The following HSD17B1 variants were observed in gnomAD, a reference collection of about 807,000 sequenced individuals.
HSD17B1 encodes the protein 17-beta-hydroxysteroid dehydrogenase type 1.
HSD17B1 carries 16 observed loss-of-function variants against 22.7 expected under a neutral mutation model. The ratio of observed to expected loss-of-function variants is 0.71; its 90% confidence interval spans 0.48 to 1.07. The LOEUF is 1.07. HSD17B1 is among the 50% of genes least tolerant of loss of function. The pLI, the probability that HSD17B1 is intolerant of heterozygous loss-of-function variation, is 0.00. For synonymous variants in HSD17B1, 243 were observed against 211.0 expected (o/e 1.15, Z -1.31); for missense variants, 533 against 459.9 (o/e 1.16, Z -1.45).
In HSD17B1 at chr17:42,554,937, A is replaced by G; in HGVS notation, c.986A>G (p.Ter329=). 6.8e-7 allele frequency: 1 copy of G among 1,464,680 alleles called. No individual in the cohort carries two copies. The highest frequency in any genetic ancestry group is 1.4e-5 in the South Asian group (1 of 71,848). 90.7% of individuals were successfully genotyped at this position (1,464,680 alleles called of 1,614,324 possible). A position where few individuals can be genotyped will look rare whatever the true frequency, so the allele number is the denominator to read the frequency against. Residue 329 remains the stop codon, a stop_retained_variant, in exon 6 of 6, where the codon TAA becomes TGA. Coordinates refer to ENST00000585807, the MANE Select transcript of HSD17B1 (RefSeq NM_000413.4). The part of the protein sequence containing the change: ...ELGDPPAAPQ[*] ...GGCGATCCTCCGGCCGCCCCGCAGT[A>G]AAGGCTTCCTCAGCCGCTGTCTCCC...
At position 42,554,931 on chromosome 17, in the gene HSD17B1, C is replaced by G. The variant is rs776746318; in HGVS notation, c.980C>G (p.Pro327Arg). The part of the protein sequence containing the change: ...DPELGDPPAA[P>R]Q Reference sequence around the variant, plus strand: ...GAGCTCGGCGATCCTCCGGCCGCCCCGCAGTAAAGGCTTCCTCAGCCGCTG... The same window carrying G: ...GAGCTCGGCGATCCTCCGGCCGCCCGGCAGTAAAGGCTTCCTCAGCCGCTG... The change falls in exon 6 of 6, where the codon CCG becomes CGG. Residue 327 changes from proline (P) to arginine (R), a missense_variant. Pro to Arg is a moderately radical substitution (Grantham distance 103). Coordinates refer to ENST00000585807, the MANE Select transcript of HSD17B1 (RefSeq NM_000413.4). 3 of 1,470,766 alleles carry G rather than the reference C, an allele frequency of 2.0e-6. No homozygotes were observed. The highest frequency in any genetic ancestry group is 2.3e-4 in the Middle Eastern group (1 of 4,344). The allele number at this position is 1,470,766 out of a possible 1,614,324, so 91.1% of individuals were successfully genotyped here.
intron 4 of HSD17B1, 191 bp downstream of exon 4, chr17:42,554,078 G>A (rs1451510636): frequency 1.8e-5 from 12 of 658,890 alleles, no homozygotes; most frequent in Non-Finnish European, 2.1e-5. Flanking sequence ...CTGCTGAAGT[G>A]TTGGTATTGT....
Position 42,554,692 on chromosome 17 carries a change from C to T in HSD17B1, c.741C>T (p.Ala247=). The part of the protein sequence containing the change: ...VAEVFLTALR[A]PKPTLRYFTT... The stretch of plus-strand genomic sequence containing the variant: ...AGGTCTTCCTCACCGCTTTGCGCGC[C>T]CCGAAGCCGACCCTGCGCTACTTCA... The change falls in exon 6 of 6, where the codon GCC becomes GCT. Residue 247 remains alanine, a synonymous_variant. Coordinates refer to ENST00000585807, the MANE Select transcript of HSD17B1 (RefSeq NM_000413.4). 1 of 1,603,896 alleles carries T rather than the reference C, an allele frequency of 6.2e-7. No homozygotes were observed. The highest frequency in any genetic ancestry group is 8.5e-7 in the Non-Finnish European group (1 of 1,179,566).
rs1285542076 is a variant in HSD17B1 at position 42,554,725 on chromosome 17, G to A, written c.774G>A (p.Glu258=). The A allele has an allele frequency of 3.7e-6, 6 of 1,603,518 alleles. No homozygotes were observed. Among genetic ancestry groups the A allele is most frequent in the Non-Finnish European group, 5.1e-6 (6 of 1,179,746 alleles). The part of the protein sequence containing the change: ...PKPTLRYFTT[E]RFLPLLRMRL... Reference sequence around the variant, plus strand: ...CGACCCTGCGCTACTTCACCACCGAGCGCTTCCTGCCCCTGCTGCGGATGC... The same window carrying A: ...CGACCCTGCGCTACTTCACCACCGAACGCTTCCTGCCCCTGCTGCGGATGC... The change falls in exon 6 of 6, where the codon GAG becomes GAA. Residue 258 remains glutamate (E), a synonymous_variant. Transcript: ENST00000585807.
In HSD17B1 at chr17:42,554,797, G is replaced by T; in HGVS notation, c.846G>T (p.Arg282=). 1 of 1,602,156 alleles carries T rather than the reference G, an allele frequency of 6.2e-7. No homozygotes were observed. The highest frequency in any genetic ancestry group is 1.1e-5 in the South Asian group (1 of 91,072). The part of the protein sequence containing the change: ...SGSNYVTAMH[R]EVFGDVPAKA... ...CCAACTACGTCACCGCCATGCACCG[G>T]GAAGTGTTCGGCGACGTTCCGGCAA... The change falls in exon 6 of 6, where the codon CGG becomes CGT. Residue 282 remains arginine, a synonymous_variant. Coordinates refer to ENST00000585807, the MANE Select transcript of HSD17B1 (RefSeq NM_000413.4).
At chr17:42,553,335 C>T (rs1208405982) in intron 2 of HSD17B1, 44 bp downstream of exon 2, 2 of 1,602,594 alleles carry the variant, frequency 1.2e-6, no homozygotes, top group Non-Finnish European at 1.7e-6. Context: ...GCCTTCTCCG[C>T]CCTGCGTTGA....
Position 42,553,013 on chromosome 17 carries a change from C to T in HSD17B1, c.80C>T (p.Pro27Leu). The change falls in exon 1 of 6, where the codon CCA (proline) becomes CTA (leucine). Residue 27 changes from proline to leucine, a missense_variant. Coordinates refer to ENST00000585807, the MANE Select transcript of HSD17B1 (RefSeq NM_000413.4). ...TTGGCCGTACGTCTGGCTTCAGATC[C>T]ATCCCAGAGCTTCAAAGGTATAGAT... ...LHLAVRLASD[P>L]SQSFKVYATL... 3 of 1,614,150 alleles carry T rather than the reference C, an allele frequency of 1.9e-6. No homozygotes were observed. The highest frequency in any genetic ancestry group is 2.5e-6 in the Non-Finnish European group (3 of 1,180,004).
chr17:42,554,824 G>A lies in HSD17B1; in HGVS notation c.873G>A (p.Lys291=). The change falls in exon 6 of 6, where the codon AAG becomes AAA. Residue 291 remains lysine (K), a synonymous_variant. Transcript: ENST00000585807. The part of the protein sequence containing the change: ...HREVFGDVPA[K]AEAGAEAGGG... ...AAGTGTTCGGCGACGTTCCGGCAAA[G>A]GCCGAGGCTGGGGCCGAGGCTGGGG... is the stretch of plus-strand genomic sequence containing the variant. 6.3e-7 allele frequency: 1 copy of A among 1,598,490 alleles called. No homozygotes were observed. Among genetic ancestry groups the A allele is most frequent in the Non-Finnish European group, 8.5e-7 (1 of 1,178,684 alleles).
chr17:42,553,714 C>G (rs1022450001), intron 3 of HSD17B1, 80 bp from the exon 4 acceptor site: 2 of 1,596,340 alleles, frequency 1.3e-6, no homozygotes, highest in East Asian at 2.2e-5. Flanking sequence ...AGTGGGGTGC[C>G]GTCAGCTTGG....
chr17:42,554,372 G>A (rs1315010996), intron 4 of HSD17B1, 33 bp from the exon 5 acceptor site: 7 of 1,564,476 alleles, frequency 4.5e-6, no homozygotes, highest in Non-Finnish European at 6.1e-6. Flanking sequence ...GCTGGCGTCC[G>A]CCCCCTCCCA....
In HSD17B1 at chr17:42,555,046, C is replaced by T; in HGVS notation, c.*108C>T. On this transcript the variant is annotated 3_prime_UTR_variant, in exon 6 of 6. Transcript: ENST00000585807. ...CTGTGGGTGGCTAATTAAGATAGAT[C>T]GCGTTAGCCAGTTTTACCAGCGCAG... 7.2e-7 allele frequency: 1 copy of T among 1,386,700 alleles called. No homozygotes were observed. The highest frequency in any genetic ancestry group is 9.3e-7 in the Non-Finnish European group (1 of 1,076,542). The allele number at this position is 1,386,700 out of a possible 1,614,324, so 85.9% of individuals were successfully genotyped here.
chr17:42,554,405 C>A lies in HSD17B1; in HGVS notation c.540C>A (p.His180Gln). 1 of 1,603,964 alleles carries A rather than the reference C, an allele frequency of 6.2e-7. No homozygotes were observed. The highest frequency in any genetic ancestry group is 1.1e-5 in the South Asian group (1 of 90,210). The change falls in exon 5 of 6, where the codon CAC becomes CAA. Residue 180 changes from histidine (H) to glutamine (Q), a missense_variant and splice_region_variant. Transcript: ENST00000585807. ...CCACTCGTTGCTCTCCGGCCAGCAG[C>A]TTGAGCCTGATCGAGTGCGGCCCAG... The part of the protein sequence containing the change: ...LAVLLLPFGV[H>Q]LSLIECGPVH...
rs769612663 is a variant in HSD17B1, at chr17:42,553,530, T to G, written c.357T>G (p.Thr119=). ...ASVLDVNVVG[T]VRMLQAFLPD... is the part of the protein sequence containing the mutation. ...TGCTGGACGTGAATGTAGTAGGGAC[T>G]GTGCGGATGCTGCAGGCCTTCCTGC... The change falls in exon 3 of 6, where the codon ACT becomes ACG. Residue 119 remains threonine, a synonymous_variant. Coordinates refer to ENST00000585807, the MANE Select transcript of HSD17B1 (RefSeq NM_000413.4). The G allele has an allele frequency of 6.2e-7, 1 of 1,614,018 alleles. No individual in the cohort carries two copies. The highest frequency in any genetic ancestry group is 8.5e-7 in the Non-Finnish European group (1 of 1,179,938).
At chr17:42,554,323 TGG>T (rs1356161692) in intron 4 of HSD17B1, 80 bp from the exon 5 acceptor site, 10 of 1,468,010 alleles carry the variant, frequency 6.8e-6, no homozygotes, top group Non-Finnish European at 9.0e-6. Flanking sequence ...GGGACGTGGT[TGG>T]GGCTGGGACT....
Position 42,553,279 on chromosome 17 carries a change from G to C in HSD17B1, c.253G>C (p.Val85Leu), listed in dbSNP as rs2092949702. ...AARERVTEGRVDVLVCNAGLG... is the reference protein window; with the variant it reads ...AARERVTEGRLDVLVCNAGLG... ...CCGGGAACGCGTGACTGAGGGCCGC[G>C]TGGACGTGCTGGGTGAGCCTCCTGG... The change falls in exon 2 of 6, where the codon GTG becomes CTG. Residue 85 changes from valine to leucine, a missense_variant. Transcript: ENST00000585807. The C allele has an allele frequency of 3.1e-6, 5 of 1,608,858 alleles. No individual in the cohort carries two copies. Among genetic ancestry groups the C allele is most frequent in the Non-Finnish European group, 4.2e-6 (5 of 1,179,884 alleles).
intron 3 of HSD17B1, 64 bp downstream of exon 3, chr17:42,553,682 G>A (rs1316025919): frequency 2.6e-5 from 41 of 1,599,794 alleles, no homozygotes; most frequent in Middle Eastern, 2.2e-4. Context: ...AGCCTTGAAG[G>A]CAGGTTCCGC....
At position 42,552,960 on chromosome 17, in the gene HSD17B1, C is replaced by T. The variant is rs139820255; in HGVS notation, c.27C>T (p.Thr9=). 22 of 1,614,020 alleles carry T rather than the reference C, an allele frequency of 1.4e-5. No individual in the cohort carries two copies. The highest frequency in any genetic ancestry group is 3.3e-5 in the Admixed American group (2 of 60,006). Residue 9 remains threonine (T), a synonymous_variant, in exon 1 of 6, where the codon ACC becomes ACT. Coordinates refer to ENST00000585807, the MANE Select transcript of HSD17B1 (RefSeq NM_000413.4). MARTVVLI[T]GCSSGIGLHL... The stretch of plus-strand genomic sequence containing the variant: ...TGGCCCGCACCGTGGTGCTCATCAC[C>T]GGCTGTTCCTCGGGCATCGGCCTGC...
Position 42,554,588 on chromosome 17 carries a change from C to T in HSD17B1, c.717+6C>T, listed in dbSNP as rs554645817. On this transcript the variant is annotated splice_donor_region_variant and intron_variant, in intron 5 of 5. Transcript: ENST00000585807. The stretch of plus-strand genomic sequence containing the variant: ...ACCCTGAGGAGGTGGCGGAGGTGAG[C>T]GCCGGGCTGGACTCCAGGAGTGGGG... 17 of 1,612,678 alleles carry T rather than the reference C, an allele frequency of 1.1e-5. No individual in the cohort carries two copies. The highest frequency in any genetic ancestry group is 1.7e-4 in the Middle Eastern group (1 of 6,058).
chr17:42,553,083 A>G (rs752302695), intron 1 of HSD17B1, 41 bp from the exon 2 acceptor site: 4 of 1,613,998 alleles, frequency 2.5e-6, no homozygotes, highest in South Asian at 2.2e-5. Context: ...CTTGGAGGCC[A>G]GAAGGGAAGT....
Sources: gnomAD v4.1 joint callset for allele counts on GRCh38, gnomAD v4.1.1 for gene constraint, MANE v1.5 for transcripts, NCBI Gene and HGNC (gene_info 2026-07-23, HGNC 2026-07-21) for gene names.